Variants in CSGALNACT1 observed in about 807,000 individuals in gnomAD.
CSGALNACT1 encodes the protein beta4GalNAcT-1.
Under a neutral mutation model 51.0 loss-of-function variants are expected in CSGALNACT1, and 52 were observed. The ratio of observed to expected loss-of-function variants is 1.02; its 90% CI spans 0.82 to 1.29. CSGALNACT1 has a LOEUF of 1.29. Ranked by LOEUF, CSGALNACT1 falls within the 50% of genes most tolerant of loss-of-function variation. The pLI is 0.00. For missense variants in CSGALNACT1, 935 were observed against 679.2 expected (o/e 1.38, Z -4.19); for synonymous variants, 341 against 254.4 (o/e 1.34, Z -3.24).
chr8:19,569,068 C>T (rs1278140873), intron 3 of CSGALNACT1, among the ~76,000 whole-genome samples: 1 of 152,160 alleles, frequency 6.6e-6, no homozygotes, highest in Non-Finnish European at 1.5e-5. Context: ...AGATATGGGG[C>T]AATCAATTCT....
chr8:19,634,883 G>C (rs1037913278), intron 1 of CSGALNACT1, among the ~76,000 whole-genome samples: 7 of 152,162 alleles, frequency 4.6e-5, no homozygotes, highest in African/African-American at 9.7e-5. Context: ...CCCAAGCTAA[G>C]ACAGCTGTCA....
At chr8:19,556,010 C>T (rs1588281017) in intron 3 of CSGALNACT1, among the ~76,000 whole-genome samples, 1 of 152,034 alleles carries the variant, frequency 6.6e-6, no homozygotes, top group East Asian at 1.9e-4. Flanking sequence ...TTTTTACCCT[C>T]GAAGATAAGA....
chr8:19,711,343 G>T (rs1248271906), intron 1 of CSGALNACT1, among the ~76,000 whole-genome samples: 2 of 152,196 alleles, frequency 1.3e-5, no homozygotes, highest in East Asian at 3.9e-4. Context: ...GTGGGGCAAG[G>T]AAGAAGTAGA....
intron 3 of CSGALNACT1, among the ~76,000 whole-genome samples, chr8:19,553,868 G>A (rs2088951224): frequency 6.7e-6 from 1 of 149,972 alleles, no homozygotes; most frequent in South Asian, 2.1e-4. Context: ...AATGTCATGA[G>A]GAAAATAATC....
At chr8:19,753,183 C>G (rs2154254390) in intron 1 of CSGALNACT1, among the ~76,000 whole-genome samples, 1 of 152,258 alleles carries the variant, frequency 6.6e-6, no homozygotes, top group South Asian at 2.1e-4. Flanking sequence ...AAGCATTAGT[C>G]TGTGCAAATG....
At chr8:19,726,636 T>C (rs1268166975) in intron 1 of CSGALNACT1, among the ~76,000 whole-genome samples, 1 of 152,172 alleles carries the variant, frequency 6.6e-6, no homozygotes, top group Non-Finnish European at 1.5e-5. Flanking sequence ...CAATACACTA[T>C]TATTAACTAT....
intron 1 of CSGALNACT1, among the ~76,000 whole-genome samples, chr8:19,712,104 C>T (rs2062543927): frequency 1.3e-5 from 2 of 152,190 alleles, no homozygotes; most frequent in South Asian, 4.1e-4. Context: ...CGGCTCACTG[C>T]AAGCTCCGCC....
intron 1 of CSGALNACT1, among the ~76,000 whole-genome samples, chr8:19,671,072 G>T (rs941101840): frequency 2.6e-5 from 4 of 152,202 alleles, no homozygotes; most frequent in African/African-American, 9.6e-5. Flanking sequence ...GCCAGACTTG[G>T]AGATGGTTAT....
intron 4 of CSGALNACT1, among the ~76,000 whole-genome samples, chr8:19,469,002 C>A (rs146810725): frequency 0.013 from 2,001 of 152,180 alleles, 11 homozygotes; most frequent in Non-Finnish European, 0.02. Flanking sequence ...CTCAGAGGGG[C>A]AGAAGACAGC....
At chr8:19,559,091 A>C (rs1378804642) in intron 3 of CSGALNACT1, among the ~76,000 whole-genome samples, 2 of 152,194 alleles carry the variant, frequency 1.3e-5, no homozygotes, top group Non-Finnish European at 2.9e-5. Context: ...TTCAGAATGA[A>C]ATTAAACATT....
chr8:19,614,896 A>T (rs753111917), intron 1 of CSGALNACT1, among the ~76,000 whole-genome samples: 4 of 152,236 alleles, frequency 2.6e-5, no homozygotes, highest in Non-Finnish European at 5.9e-5. Flanking sequence ...AGGGGTAACC[A>T]GAAGACAGGA....
chr8:19,536,334 G>C (rs1225946187), intron 3 of CSGALNACT1, among the ~76,000 whole-genome samples: 7 of 118,288 alleles, frequency 5.9e-5, no homozygotes, highest in African/African-American at 2.4e-4. Context: ...TCAAAATTTT[G>C]TAAAAAATGT....
chr8:19,733,848 C>A (rs1237696610), intron 1 of CSGALNACT1, among the ~76,000 whole-genome samples: 6 of 152,016 alleles, frequency 3.9e-5, no homozygotes, highest in African/African-American at 1.2e-4. Flanking sequence ...CAGAAGGGAA[C>A]CTCTGCTGCC....
chr8:19,595,942 C>G (rs139971308), intron 2 of CSGALNACT1, among the ~76,000 whole-genome samples: 47 of 150,158 alleles, frequency 3.1e-4, no homozygotes, highest in African/African-American at 1.2e-3. Context: ...CAGCTCACTA[C>G]AGTCTCAACC....
Position 19,461,765 on chromosome 8 carries a change from CGT to C in CSGALNACT1, c.635-3125_635-3124del, listed in dbSNP as rs2065517995. Among the ~76,000 whole-genome samples, 2 of 134,858 alleles carry C rather than the reference CGT, an allele frequency of 1.5e-5. 1 individual carries two copies. Among genetic ancestry groups the C allele is most frequent in the South Asian group, 5.0e-4 (2 of 3,984 alleles). 88.5% of individuals were successfully genotyped at this position (134,858 alleles called of 152,430 possible). A position where few individuals can be genotyped will look rare whatever the true frequency, so the allele number is the denominator to read the frequency against. ...CAGCGGCCACATTCACCATGGAGGG[CGT>C]ATCTGCACAGCAGCCACATTCACCA... On this transcript the variant is annotated intron_variant, in intron 4 of 9. Coordinates refer to ENST00000454498, the Ensembl canonical transcript of CSGALNACT1.
At chr8:19,429,685 C>T (rs1182930801) in intron 6 of CSGALNACT1, among the ~76,000 whole-genome samples, 1 of 152,182 alleles carries the variant, frequency 6.6e-6, no homozygotes, top group Non-Finnish European at 1.5e-5. Context: ...CAGCTATGAA[C>T]ATTCATGTAC....
chr8:19,437,337 T>A (rs1004704967), intron 6 of CSGALNACT1, among the ~76,000 whole-genome samples: 1 of 152,046 alleles, frequency 6.6e-6, no homozygotes, highest in African/African-American at 2.4e-5. Flanking sequence ...CCAGTTTGGC[T>A]AGGGAGCAGT....
In CSGALNACT1 at chr8:19,585,876, C is replaced by A. The variant is rs368475106; in HGVS notation, c.-297+5284G>T. Among the ~76,000 whole-genome samples the A allele has an allele frequency of 2.3e-4, 35 of 152,280 alleles. No individual in the cohort carries two copies. The South Asian group carries it at 7.3e-3, about 32-fold the overall frequency. ...AGGAAACCCCTTCAACAGTGCTGCC[C>A]CTCTTTACCGCTTCTTTACATCTCA... On this transcript the variant is annotated intron_variant, in intron 3 of 9. Transcript: ENST00000454498.
intron 9 of CSGALNACT1, among the ~76,000 whole-genome samples, chr8:19,407,502 G>C (rs576240237): frequency 9.6e-4 from 146 of 152,286 alleles, no homozygotes; most frequent in African/African-American, 3.4e-3. Context: ...TGCATAATCT[G>C]CAACTCTATC....
Sources: gnomAD v4.1 joint callset for allele counts (sites outside exome capture counted in the v4.1 genomes callset) on GRCh38, gnomAD v4.1.1 for gene constraint, MANE v1.5 for transcripts, NCBI Gene and HGNC (gene_info 2026-07-23, HGNC 2026-07-21) for gene names.